Variants in TRAK2 observed in about 807,000 individuals in gnomAD.
TRAK2 encodes trafficking kinesin-binding protein 2.
TRAK2 carries 81 observed loss-of-function variants against 104.6 expected under a neutral mutation model. That is an observed-to-expected ratio of 0.77 (90% CI 0.65 to 0.93). The LOEUF is 0.93. TRAK2 is among the 40% of genes least tolerant of loss of function. The pLI, the probability that TRAK2 is intolerant of heterozygous loss-of-function variation, is 0.00. For synonymous variants in TRAK2, 406 were observed against 394.4 expected, an observed-to-expected ratio of 1.03 and a Z score of -0.35; for missense variants, 1,002 against 1,089.0, an observed-to-expected ratio of 0.92 and a Z score of 1.12.
rs548465206 is a variant in TRAK2, at chr2:201,380,727, T to C, written c.2561A>G (p.Glu854Gly). ...TTCTGCCTCCTGGCATCTTCCATTC[T>C]CTTGGGCACCAGGGTTCTTGACCAC... ...ARVVKNPGAQ[E>G]NGRCQEAEIG... is the part of the protein sequence containing the mutation. The change falls in exon 16 of 16, where the codon GAG becomes GGG. Residue 854 changes from glutamate (E) to glycine (G), a missense_variant. Transcript: ENST00000332624. 13 of 1,614,140 alleles carry C rather than the reference T, an allele frequency of 8.1e-6. No homozygotes were observed. In the South Asian group the frequency reaches 1.2e-4, roughly 15 times the overall value.
At chr2:201,384,570 C>G (rs1390634992) in intron 14 of TRAK2, among the ~76,000 whole-genome samples, 1 of 152,070 alleles carries the variant, frequency 6.6e-6, no homozygotes, top group Non-Finnish European at 1.5e-5. Flanking sequence ...TGGGAGTCTA[C>G]ATGTCAAAGC....
intron 15 of TRAK2, among the ~76,000 whole-genome samples, chr2:201,382,826 C>T (rs1437394687): frequency 1.3e-5 from 2 of 152,190 alleles, no homozygotes; most frequent in Non-Finnish European, 2.9e-5. Context: ...GACTCAAATA[C>T]ATGGCTAACC....
intron 15 of TRAK2, 93 bp downstream of exon 15, chr2:201,384,018 C>T: frequency 1.3e-6 from 1 of 797,166 alleles, no homozygotes; most frequent in East Asian, 2.6e-5. Context: ...AATTAACATT[C>T]TGGAAATTAA....
chr2:201,396,714 G>A (rs772631476), intron 7 of TRAK2, among the ~76,000 whole-genome samples: 1 of 152,096 alleles, frequency 6.6e-6, no homozygotes, highest in Non-Finnish European at 1.5e-5. Context: ...GGTAACTGAC[G>A]GCTACTAAGA....
chr2:201,410,583 G>A (rs1951636828), intron 2 of TRAK2: 5 of 1,250,390 alleles, frequency 4.0e-6, no homozygotes, highest in Non-Finnish European at 5.9e-6. Context: ...TAGCTGAACT[G>A]CTATTGGTCA....
chr2:201,399,484 C>T lies in TRAK2; in HGVS notation c.373G>A (p.Asp125Asn), dbSNP rs1951530860. 2 of 1,611,538 alleles carry T rather than the reference C, an allele frequency of 1.2e-6. No individual in the cohort carries two copies. Among genetic ancestry groups the T allele is most frequent in the South Asian group, 1.1e-5 (1 of 90,858 alleles). The change falls in exon 5 of 16, where the codon GAT becomes AAT. Residue 125 changes from aspartate to asparagine, a missense_variant. Transcript: ENST00000332624. The part of the protein sequence containing the change: ...VTHLLAERDR[D>N]LELAARIGQA... ...CCAATTCGAGCAGCGAGTTCCAGATCACGATCCCTCTGTTAAAATACCAAA... is the reference window on the plus strand; with the variant it reads ...CCAATTCGAGCAGCGAGTTCCAGATTACGATCCCTCTGTTAAAATACCAAA...
In TRAK2 at chr2:201,397,529, G is replaced by C; in HGVS notation, c.742C>G (p.Leu248Val). The C allele has an allele frequency of 6.2e-7, 1 of 1,612,752 alleles. No homozygotes were observed. The highest frequency in any genetic ancestry group is 1.7e-5 in the Admixed American group (1 of 59,952). The change falls in exon 7 of 16, where the codon CTT becomes GTT. Residue 248 changes from leucine to valine, a missense_variant. Leu to Val is a conservative substitution (Grantham distance 32). Transcript: ENST00000332624. ...TVTYEEKEQQ[L>V]VSDCVKELRE... ...AGTTCTTTAACACAGTCGCTGACAA[G>C]CTGTTGTTCCTTTTCTTCATAGGTA...
Position 201,380,808 on chromosome 2 carries a change from A to G in TRAK2, c.2480T>C (p.Val827Ala), listed in dbSNP as rs1235149313. Residue 827 changes from valine to alanine, a missense_variant, in exon 16 of 16, where the codon GTT becomes GCT. Coordinates refer to ENST00000332624, the MANE Select transcript of TRAK2 (RefSeq NM_015049.3). The part of the protein sequence containing the change: ...GLRPSRNPPD[V>A]GQLKMNLVDR... The stretch of plus-strand genomic sequence containing the variant: ...CACTAAGTTCATCTTCAACTGGCCA[A>G]CATCAGGAGGGTTCCGGGAGGGTCT... 8.1e-6 allele frequency: 13 copies of G among 1,613,976 alleles called. No homozygotes were observed. The East Asian group carries it at 2.5e-4, about 30-fold the overall frequency.
chr2:201,409,796 AT>A, intron 2 of TRAK2, among the ~76,000 whole-genome samples: 1 of 152,366 alleles, frequency 6.6e-6, no homozygotes. Context: ...TTTTTTACAT[AT>A]TAAAGTGAAC....
At position 201,393,039 on chromosome 2, in the gene TRAK2, T is replaced by G. The variant is rs1379828092; in HGVS notation, c.983A>C (p.Glu328Ala). 3 of 1,610,382 alleles carry G rather than the reference T, an allele frequency of 1.9e-6. No individual in the cohort carries two copies. The highest frequency in any genetic ancestry group is 2.5e-6 in the Non-Finnish European group (3 of 1,178,158). ...AQRQLTMELH[E>A]LQDRNMECLG... ...ACACTCCATATTCCTGTCTTGTAAC[T>G]CGTGCAGCTAAAAGAAAGGATGGTA... The change falls in exon 10 of 16, where the codon GAG (glutamate) becomes GCG (alanine). Residue 328 changes from glutamate (E) to alanine (A), a missense_variant. Glu to Ala is a moderately radical substitution (Grantham distance 107). Coordinates refer to ENST00000332624, the MANE Select transcript of TRAK2 (RefSeq NM_015049.3).
Position 201,380,705 on chromosome 2 carries a change from T to C in TRAK2, c.2583A>G (p.Ala861=). Reference sequence around the variant, plus strand: ...AATCTGGTTTTTGAGGACCAATTTCTGCCTCCTGGCATCTTCCATTCTCTT... The same window carrying C: ...AATCTGGTTTTTGAGGACCAATTTCCGCCTCCTGGCATCTTCCATTCTCTT... ...GAQENGRCQE[A]EIGPQKPDSA... The change falls in exon 16 of 16, where the codon GCA becomes GCG. Residue 861 remains alanine (A), a synonymous_variant. Coordinates refer to ENST00000332624, the MANE Select transcript of TRAK2 (RefSeq NM_015049.3). 6.2e-7 allele frequency: 1 copy of C among 1,614,120 alleles called. No homozygotes were observed. Among genetic ancestry groups the C allele is most frequent in the South Asian group, 1.1e-5 (1 of 91,086 alleles).
intron 1 of TRAK2, among the ~76,000 whole-genome samples, chr2:201,435,061 C>A (rs1296653921): frequency 6.6e-6 from 1 of 152,074 alleles, no homozygotes; most frequent in East Asian, 1.9e-4. Flanking sequence ...TGATTTCTTT[C>A]TTTTTTTTAA....
intron 2 of TRAK2, among the ~76,000 whole-genome samples, chr2:201,414,471 G>A (rs190985070): frequency 6.6e-6 from 1 of 152,318 alleles, no homozygotes; most frequent in African/African-American, 2.4e-5. Context: ...CCTTAAGAGA[G>A]TAAATTCCTA....
chr2:201,426,240 C>A (rs1399906546), intron 1 of TRAK2, among the ~76,000 whole-genome samples: 1 of 152,114 alleles, frequency 6.6e-6, no homozygotes, highest in Non-Finnish European at 1.5e-5. Flanking sequence ...GCATTAGATT[C>A]TCATAGGAGC....
chr2:201,428,995 T>C (rs1442492514), intron 1 of TRAK2, among the ~76,000 whole-genome samples: 1 of 152,242 alleles, frequency 6.6e-6, no homozygotes, highest in African/African-American at 2.4e-5. Context: ...ATAGGAATGC[T>C]TGTGATTTTT....
intron 1 of TRAK2, among the ~76,000 whole-genome samples, chr2:201,426,659 A>G (rs1277707435): frequency 6.6e-6 from 1 of 152,218 alleles, no homozygotes; most frequent in East Asian, 1.9e-4. Context: ...ATAGCAGAAT[A>G]GAGAAAACCA....
intron 5 of TRAK2, among the ~76,000 whole-genome samples, chr2:201,398,973 A>T (rs557909820): frequency 6.6e-6 from 1 of 152,276 alleles, no homozygotes; most frequent in Admixed American, 6.5e-5. Context: ...TTGCTATAGA[A>T]TAAATATATT....
rs1401037227 is a variant in TRAK2 at position 201,447,143 on chromosome 2, A to G, written c.-200+4207T>C. ...AAGTCTTAGTCTTTCTAAAATGCAA[A>G]TCTAATGCTTTTCCACTGCTACAAA... On this transcript the variant is annotated intron_variant, in intron 1 of 15. Coordinates refer to ENST00000332624, the MANE Select transcript of TRAK2 (RefSeq NM_015049.3). The surrounding 1 kb of genome is among the most constrained non-coding windows in gnomAD (Gnocchi z 4.1). 6.6e-6 allele frequency among the ~76,000 whole-genome samples: 1 copy of G among 152,170 alleles called. No individual in the cohort carries two copies. Among genetic ancestry groups the G allele is most frequent in the Non-Finnish European group, 1.5e-5 (1 of 68,024 alleles).
Position 201,395,379 on chromosome 2 carries a change from G to C in TRAK2, c.835C>G (p.Arg279Gly), listed in dbSNP as rs1188366665. 9 of 1,603,106 alleles carry C rather than the reference G, an allele frequency of 5.6e-6. No homozygotes were observed. The highest frequency in any genetic ancestry group is 2.2e-5 in the East Asian group (1 of 44,726). The change falls in exon 8 of 16, where the codon CGA becomes GGA. Residue 279 changes from arginine to glycine, a missense_variant. Arg to Gly is a moderately radical substitution (Grantham distance 125, BLOSUM62 -2). Transcript: ENST00000332624. ...ELSGKSDELI[R>G]YQEELSSLLS... is the part of the protein sequence containing the mutation. ...AGAGAGGAAAGCTCTTCTTGGTATCGAATCAGCTCATCACTCTTCCCTGAC... is the reference window on the plus strand; with the variant it reads ...AGAGAGGAAAGCTCTTCTTGGTATCCAATCAGCTCATCACTCTTCCCTGAC...
Sources: allele counts gnomAD v4.1 joint callset (sites outside exome capture counted in the v4.1 genomes callset), GRCh38; gene constraint gnomAD v4.1.1; non-coding constraint Gnocchi (gnomAD v3.1); transcripts MANE v1.5; gene names NCBI Gene and HGNC (gene_info 2026-07-23, HGNC 2026-07-21).